GRIK3: variants seen among roughly 807,000 people sequenced by gnomAD.
GRIK3 encodes glutamate ionotropic receptor kainate type subunit 3, also known as glutamate receptor ionotropic, kainate 3.
Under a neutral mutation model 102.5 loss-of-function variants are expected in GRIK3, and 29 were observed. The ratio of observed to expected loss-of-function variants is 0.28; its 90% CI spans 0.21 to 0.39. The LOEUF (loss-of-function observed/expected upper bound fraction) is 0.39, where lower values mean the gene tolerates loss of function less well. GRIK3 is among the 10% of genes least tolerant of loss of function. The probability of loss-of-function intolerance (pLI) is 1.00; values close to 1 mark genes in which losing one functional copy is unlikely to be tolerated. For synonymous variants in GRIK3, 511 were observed against 504.9 expected, an observed-to-expected ratio of 1.01 and a Z score of -0.16; for missense variants, 908 against 1,252.4, an observed-to-expected ratio of 0.73 and a Z score of 4.15.
chr1:37,009,898 G>C (rs1321123191), intron 1 of GRIK3, among the ~76,000 whole-genome samples: 1 of 152,124 alleles, frequency 6.6e-6, no homozygotes, highest in Non-Finnish European at 1.5e-5. Context: ...ACTGTTGGGG[G>C]GAGCTTGGAG....
At chr1:37,031,129 G>T (rs1557470320) in intron 1 of GRIK3, among the ~76,000 whole-genome samples, 1 of 152,150 alleles carries the variant, frequency 6.6e-6, no homozygotes, top group Non-Finnish European at 1.5e-5. Flanking sequence ...TAATAACGAC[G>T]ATAATAATAA....
At chr1:36,839,458 CTCACTG>C (rs1453218293) in intron 10 of GRIK3, among the ~76,000 whole-genome samples, 1 of 152,164 alleles carries the variant, frequency 6.6e-6, no homozygotes, top group Non-Finnish European at 1.5e-5. Context: ...TATTATTATT[CTCACTG>C]TCAGGTTAGG....
intron 3 of GRIK3, among the ~76,000 whole-genome samples, chr1:36,878,932 G>T (rs1171255518): frequency 6.6e-6 from 1 of 152,134 alleles, no homozygotes; most frequent in Non-Finnish European, 1.5e-5. Flanking sequence ...AAGCATGTAT[G>T]AATTCCATCT....
intron 5 of GRIK3, among the ~76,000 whole-genome samples, chr1:36,868,272 G>C (rs565670284): frequency 1.9e-4 from 29 of 152,324 alleles, no homozygotes; most frequent in African/African-American, 7.0e-4. Context: ...GACTTTCCAG[G>C]AGACAGCATG....
At position 37,031,057 on chromosome 1, in the gene GRIK3, G is replaced by T. The variant is rs535548497; in HGVS notation, c.115+2937C>A. Among the ~76,000 whole-genome samples the T allele has an allele frequency of 2.4e-4, 37 of 152,290 alleles. 1 individual carries two copies. The highest frequency in any genetic ancestry group is 1.4e-3 in the Admixed American group (21 of 15,300). On this transcript the variant is annotated intron_variant, in intron 1 of 15. Coordinates refer to ENST00000373091, the MANE Select transcript of GRIK3 (RefSeq NM_000831.4). ...ACGGGAGGTCACTGAAGCCCGTTTGGCTGAGAGAATCTATGCATTAAACTG... is the reference window on the plus strand; with the variant it reads ...ACGGGAGGTCACTGAAGCCCGTTTGTCTGAGAGAATCTATGCATTAAACTG...
chr1:36,838,852 C>T (rs1432692615), intron 10 of GRIK3, among the ~76,000 whole-genome samples: 1 of 152,166 alleles, frequency 6.6e-6, no homozygotes, highest in Non-Finnish European at 1.5e-5. Flanking sequence ...AAAAATGGCA[C>T]CAAGCTAGGA....
Position 36,826,531 on chromosome 1 carries a change from AG to A in GRIK3, c.1531-706del, listed in dbSNP as rs372419336. On this transcript the variant is annotated intron_variant, in intron 10 of 15. Transcript: ENST00000373091. ...AAAAATTAAAAAGTTAGCTGGGTAC[AG>A]TGGCACGTGCCTGTAGTCCCAGCTA... Among the ~76,000 whole-genome samples the A allele has an allele frequency of 2.0e-4, 31 of 152,188 alleles. 1 individual carries two copies. The highest frequency in any genetic ancestry group is 7.2e-4 in the African/African-American group (30 of 41,526).
chr1:36,887,082 T>C (rs1641046318), intron 2 of GRIK3, among the ~76,000 whole-genome samples: 1 of 152,218 alleles, frequency 6.6e-6, no homozygotes. Flanking sequence ...CTTTAGTAGA[T>C]ACTGCCAAAT....
chr1:37,029,896 C>G (rs1642802229), intron 1 of GRIK3, among the ~76,000 whole-genome samples: 1 of 152,240 alleles, frequency 6.6e-6, no homozygotes, highest in African/African-American at 2.4e-5. Context: ...GGTCAGCCAT[C>G]CTGCCGGCTA....
At chr1:36,973,494 A>G (rs1345510770) in intron 1 of GRIK3, among the ~76,000 whole-genome samples, 2 of 139,916 alleles carry the variant, frequency 1.4e-5, no homozygotes, top group Non-Finnish European at 3.0e-5. Context: ...ATCTTGGCTC[A>G]CCACAACCTC....
At chr1:36,967,885 A>T (rs548219353) in intron 1 of GRIK3, among the ~76,000 whole-genome samples, 1 of 152,362 alleles carries the variant, frequency 6.6e-6, no homozygotes, top group South Asian at 2.1e-4. Flanking sequence ...CACTCAATAA[A>T]TGATAGCAAT....
At chr1:36,849,896 T>G (rs1470568445) in intron 9 of GRIK3, 1 of 186,440 alleles carries the variant, frequency 5.4e-6, no homozygotes, top group Admixed American at 5.7e-5. Context: ...GTGTACAGGC[T>G]CCCAGCACCT....
At chr1:36,818,155 T>A (rs997206328) in intron 12 of GRIK3, among the ~76,000 whole-genome samples, 1 of 149,072 alleles carries the variant, frequency 6.7e-6, no homozygotes, top group Non-Finnish European at 1.5e-5. Flanking sequence ...CAAGGGAGAG[T>A]TTTTCAAATA....
intron 1 of GRIK3, among the ~76,000 whole-genome samples, chr1:36,936,623 G>A (rs753809020): frequency 2.6e-5 from 4 of 151,976 alleles, no homozygotes; most frequent in African/African-American, 4.8e-5. Context: ...TTTACTCCCC[G>A]GCTTTATTAA....
intron 9 of GRIK3, among the ~76,000 whole-genome samples, chr1:36,845,277 G>T (rs895141833): frequency 1.3e-5 from 2 of 152,182 alleles, no homozygotes; most frequent in African/African-American, 4.8e-5. Context: ...CTCAGTGAAG[G>T]TGCCCTCAAT....
chr1:36,849,846 G>A, intron 9 of GRIK3: 1 of 156,344 alleles, frequency 6.4e-6, no homozygotes, highest in South Asian at 2.0e-4. Flanking sequence ...GTGTGGCAGT[G>A]GCTGACGGCT....
intron 1 of GRIK3, among the ~76,000 whole-genome samples, chr1:36,951,969 A>G (rs1015865892): frequency 1.6e-4 from 24 of 152,108 alleles, no homozygotes; most frequent in African/African-American, 5.6e-4. Context: ...TCTTGTGGGG[A>G]GGAGCATCGA....
At position 36,806,476 on chromosome 1, in the gene GRIK3, A is replaced by T; in HGVS notation, c.2092-150T>A. 1 of 578,186 alleles carries T rather than the reference A, an allele frequency of 1.7e-6. No homozygotes were observed. Among genetic ancestry groups the T allele is most frequent in the African/African-American group, 1.9e-5 (1 of 53,396 alleles). The allele number at this position is 578,186 out of a possible 1,614,324, so 35.8% of individuals were successfully genotyped here. On this transcript the variant is annotated intron_variant, in intron 13 of 15. Coordinates refer to ENST00000373091, the MANE Select transcript of GRIK3 (RefSeq NM_000831.4). The surrounding 1 kb of genome is among the most constrained non-coding windows in gnomAD (Gnocchi z 4.0). ...GTGCTACACGGTGCTCAGATATAGA[A>T]ATTGAGGCCCCGGGGCAAAGGTCCC... is the stretch of plus-strand genomic sequence containing the variant.
At chr1:36,927,763 T>C (rs927395642) in intron 1 of GRIK3, among the ~76,000 whole-genome samples, 8 of 152,104 alleles carry the variant, frequency 5.3e-5, no homozygotes, top group African/African-American at 1.9e-4. Flanking sequence ...CAAAGGTCGG[T>C]AATAGATTTC....
Sources: gnomAD v4.1 joint callset for allele counts (sites outside exome capture counted in the v4.1 genomes callset) on GRCh38, gnomAD v4.1.1 for gene constraint, Gnocchi (gnomAD v3.1) non-coding constraint, MANE v1.5 for transcripts, NCBI Gene and HGNC (gene_info 2026-07-23, HGNC 2026-07-21) for gene names.